The following MYOM2 variants were observed in gnomAD, a reference collection of about 807,000 sequenced individuals.
MYOM2 encodes myomesin-2.
Under a neutral mutation model 187.6 loss-of-function variants are expected in MYOM2, and 254 were observed. The observed-to-expected ratio is 1.35, with a 90% confidence interval of 1.22 to 1.50. The LOEUF (loss-of-function observed/expected upper bound fraction) is 1.50, where lower values mean the gene tolerates loss of function less well. MYOM2 is among the 40% of genes most tolerant of loss of function. MYOM2 has a pLI of 0.00. For missense variants in MYOM2, 2,796 were observed against 1,924.0 expected (o/e 1.45, Z -8.48); for synonymous variants, 981 against 753.8 (o/e 1.30, Z -4.94).
chr8:2,092,380 CCG>C lies in MYOM2; in HGVS notation c.1864_1865del (p.Arg622LysfsTer14). ...PSAPGRVLAS[R>X]NTKTSVVVQW... ...CTGCTCCGGGTCGGGTTCTTGCTTC[CCG>C]AAACACCAAGACGTCGGTGGTGGTG... On this transcript the variant is annotated frameshift_variant, in exon 16 of 37. Coordinates refer to ENST00000262113, the MANE Select transcript of MYOM2 (RefSeq NM_003970.4). LOFTEE classifies it high-confidence loss of function. 1 of 1,614,116 alleles carries C rather than the reference CCG, an allele frequency of 6.2e-7. No homozygotes were observed. The highest frequency in any genetic ancestry group is 8.5e-7 in the Non-Finnish European group (1 of 1,180,012).
intron 5 of MYOM2, 106 bp downstream of exon 5, chr8:2,057,886 T>G: frequency 1.7e-6 from 2 of 1,204,308 alleles, no homozygotes; most frequent in Non-Finnish European, 2.3e-6. Context: ...TGGAGGCCAC[T>G]TACCTTGAAA....
At position 2,120,680 on chromosome 8, in the gene MYOM2, T is replaced by TATATAA; in HGVS notation, c.3454-2572_3454-2571insATATAA. On this transcript the variant is annotated intron_variant, in intron 28 of 36. Coordinates refer to ENST00000262113, the MANE Select transcript of MYOM2 (RefSeq NM_003970.4). ...CCTGTATATATATATATATATTATATTATATATAAATATATAATATATATA... is the reference window on the plus strand; with the variant it reads ...CCTGTATATATATATATATATTATATATATAATATATATAAATATATAATATATATA... 6.2e-5 allele frequency among the ~76,000 whole-genome samples: 3 copies of TATATAA among 48,298 alleles called. 1 individual carries two copies. Among genetic ancestry groups the TATATAA allele is most frequent in the Non-Finnish European group, 1.2e-4 (3 of 24,476 alleles). 31.7% of individuals were successfully genotyped at this position (48,298 alleles called of 152,430 possible).
At chr8:2,054,988 G>T (rs1235003616) in intron 3 of MYOM2, among the ~76,000 whole-genome samples, 1 of 119,414 alleles carries the variant, frequency 8.4e-6, no homozygotes, top group African/African-American at 2.7e-5. Flanking sequence ...GGATACTGGG[G>T]GGACGAAGTA....
intron 3 of MYOM2, among the ~76,000 whole-genome samples, chr8:2,054,845 A>C (rs1818603501): frequency 1.3e-5 from 2 of 151,176 alleles, no homozygotes; most frequent in African/African-American, 4.9e-5. Context: ...TCATTTCTTG[A>C]ACACATATTC....
chr8:2,071,891 A>G (rs1283049087), intron 8 of MYOM2, among the ~76,000 whole-genome samples: 1 of 152,010 alleles, frequency 6.6e-6, no homozygotes, highest in Non-Finnish European at 1.5e-5. Flanking sequence ...TCCTCTTCCA[A>G]GGGCGCTCAT....
intron 18 of MYOM2, chr8:2,097,038 A>G (rs981240375): frequency 6.2e-6 from 5 of 810,020 alleles, no homozygotes; most frequent in Non-Finnish European, 7.5e-6. Flanking sequence ...CTGAGCATAG[A>G]TGAATGACCC....
intron 31 of MYOM2, among the ~76,000 whole-genome samples, chr8:2,126,365 C>G (rs1293205399): frequency 1.6e-5 from 2 of 128,116 alleles, no homozygotes; most frequent in African/African-American, 5.3e-5. Flanking sequence ...CACTCACACC[C>G]ACACACTCAC....
Position 2,050,986 on chromosome 8 carries a change from G to C in MYOM2, c.107+113G>C, listed in dbSNP as rs1215435493. Reference sequence around the variant, plus strand: ...AGAGGCACTGGTTTGCAGGGAGTCAGAGAGCAGAGATGGCAGCCTCTCCCG... The same window carrying C: ...AGAGGCACTGGTTTGCAGGGAGTCACAGAGCAGAGATGGCAGCCTCTCCCG... On this transcript the variant is annotated intron_variant, in intron 2 of 36. Coordinates refer to ENST00000262113, the MANE Select transcript of MYOM2 (RefSeq NM_003970.4). 30 of 777,360 alleles carry C rather than the reference G, an allele frequency of 3.9e-5. No individual in the cohort carries two copies. In the East Asian group the frequency reaches 7.9e-4, roughly 20 times the overall value. The allele number at this position is 777,360 out of a possible 1,614,324, so 48.2% of individuals were successfully genotyped here.
intron 25 of MYOM2, among the ~76,000 whole-genome samples, chr8:2,113,731 TTA>T (rs1158119751): frequency 6.6e-6 from 1 of 152,166 alleles, no homozygotes; most frequent in Non-Finnish European, 1.5e-5. Flanking sequence ...AGAAGCATAA[TTA>T]TCTTCCAAAA....
chr8:2,129,233 G>GTA lies in MYOM2; in HGVS notation c.3800+2_3800+3dup. The GTA allele has an allele frequency of 6.2e-7, 1 of 1,602,338 alleles. No individual in the cohort carries two copies. Among genetic ancestry groups the GTA allele is most frequent in the South Asian group, 1.1e-5 (1 of 90,764 alleles). ...AAATGAAAGTGAACTGGTGTCACAA[G>GTA]TAAGTATGACAGCAGCCGATGGAGG... On this transcript the variant is annotated splice_donor_variant, in intron 32 of 36. Transcript: ENST00000262113. LOFTEE classifies it high-confidence loss of function.
intron 19 of MYOM2, among the ~76,000 whole-genome samples, chr8:2,099,860 C>G (rs1796622278): frequency 6.6e-6 from 1 of 152,214 alleles, no homozygotes; most frequent in Admixed American, 6.5e-5. Context: ...TGAAAAAGTT[C>G]AAAGTTCAGA....
chr8:2,096,216 T>G (rs780840440), intron 17 of MYOM2, 31 bp from the exon 18 acceptor site: 47 of 1,596,666 alleles, frequency 2.9e-5, no homozygotes, highest in Middle Eastern at 1.9e-4. Flanking sequence ...GCTGAGGCCC[T>G]CGGTAACTCC....
intron 23 of MYOM2, 62 bp downstream of exon 23, chr8:2,106,659 C>A: frequency 1.6e-6 from 2 of 1,217,094 alleles, no homozygotes; most frequent in Non-Finnish European, 2.3e-6. Flanking sequence ...AAGATTGACA[C>A]CAACATAGAA....
chr8:2,122,831 T>G (rs1379010517), intron 28 of MYOM2, among the ~76,000 whole-genome samples: 1 of 152,218 alleles, frequency 6.6e-6, no homozygotes, highest in African/African-American at 2.4e-5. Context: ...TGTGTCCCTG[T>G]ACCTGAAATG....
chr8:2,123,382 A>T lies in MYOM2; in HGVS notation c.3567+17A>T, dbSNP rs1267182962. The stretch of plus-strand genomic sequence containing the variant: ...ATCCCAAAGGTATCAGGCATTGAGT[A>T]ACACAAGAAAGCAAAACAAAAACGG... On this transcript the variant is annotated intron_variant, in intron 29 of 36. Coordinates refer to ENST00000262113, the MANE Select transcript of MYOM2 (RefSeq NM_003970.4). The T allele has an allele frequency of 6.7e-7, 1 of 1,503,038 alleles. No homozygotes were observed. Among genetic ancestry groups the T allele is most frequent in the Non-Finnish European group, 8.9e-7 (1 of 1,123,660 alleles). 93.1% of individuals were successfully genotyped at this position (1,503,038 alleles called of 1,614,324 possible).
At chr8:2,067,114 C>T (rs566271517) in intron 6 of MYOM2, among the ~76,000 whole-genome samples, 1 of 152,258 alleles carries the variant, frequency 6.6e-6, no homozygotes, top group African/African-American at 2.4e-5. Context: ...GTAGATAGCA[C>T]AGTTCTCGGA....
chr8:2,069,177 A>C, intron 6 of MYOM2, 101 bp from the exon 7 acceptor site: 1 of 1,130,820 alleles, frequency 8.8e-7, no homozygotes, highest in East Asian at 2.5e-5. Context: ...CAAATAAACC[A>C]CGCCATGTGA....
At chr8:2,050,570 G>A (rs1818449278) in intron 1 of MYOM2, among the ~76,000 whole-genome samples, 185 bp from the exon 2 acceptor site, 1 of 152,196 alleles carries the variant, frequency 6.6e-6, no homozygotes, top group South Asian at 2.1e-4. Flanking sequence ...GGGTCCCTGG[G>A]AAGTTAATAG....
chr8:2,067,160 T>G (rs895979771), intron 6 of MYOM2, among the ~76,000 whole-genome samples: 4 of 152,176 alleles, frequency 2.6e-5, no homozygotes, highest in African/African-American at 4.8e-5. Context: ...AACGGAAATT[T>G]TTGATCTAAG....
Sources: allele counts gnomAD v4.1 joint callset (sites outside exome capture counted in the v4.1 genomes callset), GRCh38; gene constraint gnomAD v4.1.1; transcripts MANE v1.5; gene names NCBI Gene and HGNC (gene_info 2026-07-23, HGNC 2026-07-21).